Variants in EVC observed in about 807,000 individuals in gnomAD.
EVC encodes EvC ciliary complex subunit 1, also known as evC complex member EVC.
Under a neutral mutation model 118.9 loss-of-function variants are expected in EVC, and 116 were observed. The observed-to-expected ratio is 0.98, with a 90% CI of 0.84 to 1.14. EVC has a LOEUF of 1.14. Ranked by LOEUF, EVC falls within the 50% of genes most tolerant of loss-of-function variation. EVC has a pLI of 0.00. For missense variants in EVC, 1,401 were observed against 1,246.4 expected (o/e 1.12, Z -1.87); for synonymous variants, 619 against 534.7 (o/e 1.16, Z -2.18).
chr4:5,814,326 G>T (rs976597648), downstream of EVC: 3 of 152,238 alleles, frequency 2.0e-5, no homozygotes, highest in Admixed American at 2.0e-4. Context: ...ACCTGTACTT[G>T]AGACCGCAGG....
In EVC at chr4:5,715,740, C is replaced by CCTTTTTTTTTTTTTTTTTTTTTTTTT. The variant is rs1553860016; in HGVS notation, c.175-3508_175-3507insCTTTTTTTTTTTTTTTTTTTTTTTTT. On this transcript the variant is annotated intron_variant, in intron 1 of 20. Transcript: ENST00000264956. ...AATTTCGAAGGCATTTTTCCATTGT[C>CCTTTTTTTTTTTTTTTTTTTTTTTTT]TTTTTTTTTTTTTTTTTTTTTGAGA... Among the ~76,000 whole-genome samples the CCTTTTTTTTTTTTTTTTTTTTTTTTT allele has an allele frequency of 5.6e-5, 4 of 70,992 alleles. 2 individuals are homozygous for CCTTTTTTTTTTTTTTTTTTTTTTTTT. The allele number at this position is 70,992 out of a possible 152,430, so 46.6% of individuals were successfully genotyped here.
intron 13 of EVC, among the ~76,000 whole-genome samples, chr4:5,796,768 T>A (rs1714037720): frequency 6.6e-6 from 1 of 151,886 alleles, no homozygotes; most frequent in Non-Finnish European, 1.5e-5. Context: ...AGTGGCTGCA[T>A]ACCATAGGCT....
At chr4:5,809,871 C>T (rs901384447) in intron 19 of EVC, among the ~76,000 whole-genome samples, 3 of 152,170 alleles carry the variant, frequency 2.0e-5, no homozygotes, top group Non-Finnish European at 1.5e-5. Context: ...ATTTTTCCAT[C>T]TGTAAAGTGG....
intron 5 of EVC, among the ~76,000 whole-genome samples, chr4:5,740,614 T>C (rs981746437): frequency 6.6e-6 from 1 of 152,176 alleles, no homozygotes; most frequent in Non-Finnish European, 1.5e-5. Context: ...TTAAAAACTT[T>C]TGCTTTGCAA....
chr4:5,823,989 G>T, the EVC span, among the ~76,000 whole-genome samples: 2 of 152,214 alleles, frequency 1.3e-5, no homozygotes, highest in Non-Finnish European at 2.9e-5. Context: ...CCTGCCAAGA[G>T]GCTGGCTGAC....
At chr4:5,800,730 G>A (rs901502194) in intron 15 of EVC, among the ~76,000 whole-genome samples, 2 of 152,198 alleles carry the variant, frequency 1.3e-5, no homozygotes, top group African/African-American at 4.8e-5. Flanking sequence ...CTTTGCAGAT[G>A]GGGCAGAGGA....
chr4:5,814,905 T>C (rs1426873797), downstream of EVC, among the ~76,000 whole-genome samples: 1 of 152,136 alleles, frequency 6.6e-6, no homozygotes, highest in Non-Finnish European at 1.5e-5. Flanking sequence ...TGTTCTTTGC[T>C]GCTGGGACTG....
At chr4:5,775,621 T>C (rs1734608511) in intron 11 of EVC, among the ~76,000 whole-genome samples, 1 of 152,234 alleles carries the variant, frequency 6.6e-6, no homozygotes, top group South Asian at 2.1e-4. Flanking sequence ...TAGTTCATTC[T>C]TCCTCATTGC....
At chr4:5,826,945 C>G in the EVC span, 1 of 152,678 alleles carries the variant, frequency 6.5e-6, no homozygotes, top group African/African-American at 2.4e-5. Context: ...TGCTCCCCGA[C>G]TCCCTGGGCC....
chr4:5,715,942 C>T (rs1012681288), intron 1 of EVC, among the ~76,000 whole-genome samples: 1 of 152,114 alleles, frequency 6.6e-6, no homozygotes, highest in African/African-American at 2.4e-5. Flanking sequence ...TGGGGTTTCA[C>T]CATGTTGGCC....
the EVC span, chr4:5,828,583 T>C: frequency 1.2e-6 from 2 of 1,614,172 alleles, no homozygotes; most frequent in Non-Finnish European, 1.7e-6. Flanking sequence ...GATGTTTCCG[T>C]CTTCAAAGAC....
the EVC span, among the ~76,000 whole-genome samples, chr4:5,827,754 C>T: frequency 2.0e-5 from 3 of 151,058 alleles, no homozygotes; most frequent in Non-Finnish European, 4.4e-5. Flanking sequence ...CACACACACA[C>T]GAAGCTGGCC....
intron 13 of EVC, among the ~76,000 whole-genome samples, chr4:5,794,161 A>G (rs1042508831): frequency 1.3e-5 from 2 of 149,604 alleles, no homozygotes; most frequent in African/African-American, 4.9e-5. Flanking sequence ...TGCTATAACA[A>G]TTAGTGCAAT....
At position 5,802,041 on chromosome 4, in the gene EVC, G is replaced by A; in HGVS notation, c.2396G>A (p.Arg799Lys). 2 of 1,614,262 alleles carry A rather than the reference G, an allele frequency of 1.2e-6. No individual in the cohort carries two copies. The highest frequency in any genetic ancestry group is 2.2e-5 in the East Asian group (1 of 44,884). The stretch of plus-strand genomic sequence containing the variant: ...CAGGCGTATTACCAGCAAATCGGAA[G>A]GATCATGGAGGACCACGAGGAGAGA... ...LVQAYYQQIG[R>K]IMEDHEERKL... Residue 799 changes from arginine to lysine, a missense_variant, in exon 16 of 21, where the codon AGG (arginine) becomes AAG (lysine). Coordinates refer to ENST00000264956, the MANE Select transcript of EVC (RefSeq NM_153717.3).
chr4:5,808,059 C>G lies in EVC; in HGVS notation c.2562-142C>G, dbSNP rs148894154. Reference sequence around the variant, plus strand: ...CCTGTGGGGACTGGAGCTGGGGCTGCTGTGAATGGTGCCCCCGATGGCCAG... The same window carrying G: ...CCTGTGGGGACTGGAGCTGGGGCTGGTGTGAATGGTGCCCCCGATGGCCAG... On this transcript the variant is annotated intron_variant, in intron 17 of 20. Transcript: ENST00000264956. The G allele has an allele frequency of 2.0e-3, 1,406 of 710,464 alleles. 14 individuals are homozygous for G. The African/African-American group carries it at 0.02, about 10-fold the overall frequency. The allele number at this position is 710,464 out of a possible 1,614,324, so 44.0% of individuals were successfully genotyped here.
intron 11 of EVC, chr4:5,758,077 T>C (rs1176314656): frequency 1.0e-5 from 7 of 702,348 alleles, no homozygotes; most frequent in Admixed American, 2.0e-5. Flanking sequence ...GGTGTCCTTA[T>C]AAGAAGGCCA....
chr4:5,827,984 G>A, the EVC span: 1 of 953,220 alleles, frequency 1.0e-6, no homozygotes, highest in Non-Finnish European at 1.2e-6. Flanking sequence ...AGGAACGACA[G>A]GGCAGAAACG....
At position 5,797,075 on chromosome 4, in the gene EVC, G is replaced by C. The variant is rs35401386; in HGVS notation, c.1940G>C (p.Arg647Pro). 8.7e-6 allele frequency: 14 copies of C among 1,613,412 alleles called. No individual in the cohort carries two copies. Among genetic ancestry groups the C allele is most frequent in the Non-Finnish European group, 1.2e-5 (14 of 1,180,026 alleles). ...GACCTGCTGTTGCGCTCAGCCCTCC[G>C]GAGGCTGGCACTCCGCGGCAACGCC... Reference protein sequence around the residue: ...GHDLLLRSALRRLALRGNALA... With the variant: ...GHDLLLRSALPRLALRGNALA... Residue 647 changes from arginine (R) to proline (P), a missense_variant, in exon 14 of 21, where the codon CGG becomes CCG. Physicochemically the swap from Arg to Pro is moderately radical, Grantham distance 103. Transcript: ENST00000264956.
chr4:5,732,179 C>T (rs1162512148), intron 4 of EVC, among the ~76,000 whole-genome samples: 2 of 152,122 alleles, frequency 1.3e-5, no homozygotes, highest in African/African-American at 2.4e-5. Context: ...GTCACACAGC[C>T]GTGAGTGACG....
Sources: allele counts gnomAD v4.1 joint callset (sites outside exome capture counted in the v4.1 genomes callset), GRCh38; gene constraint gnomAD v4.1.1; transcripts MANE v1.5; gene names NCBI Gene and HGNC (gene_info 2026-07-23, HGNC 2026-07-21).